The following JAM3 variants were observed in gnomAD, a reference collection of about 807,000 sequenced individuals.
The protein encoded by JAM3 is junctional adhesion molecule C.
JAM3 carries 31 observed loss-of-function variants against 39.4 expected under a neutral mutation model. That is an observed-to-expected ratio of 0.79 (90% CI 0.59 to 1.06). The LOEUF (loss-of-function observed/expected upper bound fraction) is 1.06, where lower values mean the gene tolerates loss of function less well. Among genes scored for constraint, JAM3 ranks in the 50% least tolerant of loss-of-function variants. The pLI is 0.00. For missense variants in JAM3, 455 were observed against 391.4 expected (o/e 1.16, Z -1.37); for synonymous variants, 182 against 148.7 (o/e 1.22, Z -1.63).
chr11:134,069,306 C>A, intron 1 of JAM3, 147 bp downstream of exon 1: 1 of 1,099,540 alleles, frequency 9.1e-7, no homozygotes, highest in Non-Finnish European at 1.3e-6. Flanking sequence ...GGGCGGCGCG[C>A]GCCCGCGTCC....
At chr11:134,076,833 CTTTTT>C (rs71038556) in intron 1 of JAM3, among the ~76,000 whole-genome samples, 1 of 118,530 alleles carries the variant, frequency 8.4e-6, no homozygotes, top group Non-Finnish European at 1.7e-5. Context: ...ACATCTATTG[CTTTTT>C]TTTTTTTTTT....
intron 1 of JAM3, among the ~76,000 whole-genome samples, chr11:134,078,733 T>C (rs527441374): frequency 6.6e-6 from 1 of 152,302 alleles, no homozygotes; most frequent in African/African-American, 2.4e-5. Context: ...GTTTTTGTTT[T>C]CCTTTTTTAA....
intron 1 of JAM3, among the ~76,000 whole-genome samples, chr11:134,126,089 T>G (rs867561144): frequency 5.9e-5 from 9 of 152,172 alleles, no homozygotes; most frequent in African/African-American, 2.2e-4. Flanking sequence ...GCTGGTAGGT[T>G]TTCCTGCGAC....
At chr11:134,076,151 C>CTTTTTTTT (rs551303530) in intron 1 of JAM3, among the ~76,000 whole-genome samples, 30 of 120,378 alleles carry the variant, frequency 2.5e-4, no homozygotes, top group Non-Finnish European at 4.1e-4. Flanking sequence ...TCTTTTCTTT[C>CTTTTTTTT]TTTTTTTTTT....
chr11:134,143,686 G>T (rs925085270), intron 3 of JAM3, among the ~76,000 whole-genome samples: 2 of 152,202 alleles, frequency 1.3e-5, no homozygotes, highest in East Asian at 3.8e-4. Context: ...GATGAAGTCC[G>T]GTGTAACTGT....
intron 1 of JAM3, among the ~76,000 whole-genome samples, chr11:134,139,345 A>G (rs1472684058): frequency 6.6e-6 from 1 of 152,234 alleles, no homozygotes; most frequent in Non-Finnish European, 1.5e-5. Flanking sequence ...CGGGTTGCTC[A>G]TACAGCGAGG....
rs1453348662 is a variant in JAM3 at position 134,149,249 on chromosome 11, G to A, written c.*68G>A. 1 of 1,595,580 alleles carries A rather than the reference G, an allele frequency of 6.3e-7. No homozygotes were observed. Among genetic ancestry groups the A allele is most frequent in the Admixed American group, 1.7e-5 (1 of 59,600 alleles). On this transcript the variant is annotated 3_prime_UTR_variant, in exon 9 of 9. Coordinates refer to ENST00000299106, the MANE Select transcript of JAM3 (RefSeq NM_032801.5). ...TACCTCTGCTAGAAACTCCTGTCAA[G>A]GCAGCGAGAGCTGATGCACTCGGAC...
intron 1 of JAM3, among the ~76,000 whole-genome samples, chr11:134,121,385 G>T (rs1046299729): frequency 2.7e-4 from 41 of 151,920 alleles, no homozygotes; most frequent in African/African-American, 9.7e-4. Flanking sequence ...CTGAGGAGCC[G>T]TGTGAGCTAG....
At chr11:134,141,765 C>T (rs529351390) in intron 3 of JAM3, among the ~76,000 whole-genome samples, 1 of 152,036 alleles carries the variant, frequency 6.6e-6, no homozygotes, top group Non-Finnish European at 1.5e-5. Flanking sequence ...CCAAGGGGCA[C>T]AGAGGGAGGC....
intron 1 of JAM3, among the ~76,000 whole-genome samples, chr11:134,095,271 G>T (rs917454033): frequency 1.3e-5 from 2 of 152,166 alleles, no homozygotes; most frequent in Non-Finnish European, 1.5e-5. Flanking sequence ...AGATCTGTTT[G>T]CATGTACTAA....
rs1039080724 is a variant in JAM3, at chr11:134,089,006, A to G, written c.76+19847A>G. Among the ~76,000 whole-genome samples, 24 of 152,314 alleles carry G rather than the reference A, an allele frequency of 1.6e-4. 1 individual carries two copies. Among genetic ancestry groups the G allele is most frequent in the Admixed American group, 1.1e-3 (17 of 15,288 alleles). ...ATGGTTTGGGAGGTGTCAGTTCACC[A>G]TTATAAGCCATATAGGTGATTGTAA... On this transcript the variant is annotated intron_variant, in intron 1 of 8. Coordinates refer to ENST00000299106, the MANE Select transcript of JAM3 (RefSeq NM_032801.5).
At chr11:134,089,637 CTCA>C (rs1393292776) in intron 1 of JAM3, among the ~76,000 whole-genome samples, 1 of 152,172 alleles carries the variant, frequency 6.6e-6, no homozygotes, top group Non-Finnish European at 1.5e-5. Context: ...AGGACATGAA[CTCA>C]TCATTTTTTA....
At chr11:134,147,704 T>C (rs1943103961) in intron 6 of JAM3, 1 of 149,994 alleles carries the variant, frequency 6.7e-6, no homozygotes, top group Non-Finnish European at 1.5e-5. Flanking sequence ...GCCAGGATGG[T>C]CTCGAATCTC....
At chr11:134,086,622 CT>C (rs974725961) in intron 1 of JAM3, among the ~76,000 whole-genome samples, 50 of 152,082 alleles carry the variant, frequency 3.3e-4, no homozygotes, top group African/African-American at 1.1e-3. Flanking sequence ...AGTAAAGGAA[CT>C]GCCAGTACAA....
intron 1 of JAM3, among the ~76,000 whole-genome samples, chr11:134,112,454 C>T (rs536856627): frequency 2.6e-4 from 39 of 152,132 alleles, no homozygotes; most frequent in African/African-American, 8.2e-4. Context: ...TCAAGTCACT[C>T]TATCTAAATG....
At chr11:134,148,997 A>ACACACACACACACAC in intron 8 of JAM3, 149 bp from the exon 9 acceptor site, 1 of 770,660 alleles carries the variant, frequency 1.3e-6, no homozygotes, top group Non-Finnish European at 2.1e-6. Context: ...CACACACACT[A>ACACACACACACACAC]ATGGGATTTG....
At chr11:134,134,239 A>G (rs1942819547) in intron 1 of JAM3, among the ~76,000 whole-genome samples, 1 of 152,122 alleles carries the variant, frequency 6.6e-6, no homozygotes, top group South Asian at 2.1e-4. Context: ...AGAAGTGGGC[A>G]ACTACAGAAG....
chr11:134,123,287 C>T (rs1942571596), intron 1 of JAM3, among the ~76,000 whole-genome samples: 1 of 152,060 alleles, frequency 6.6e-6, no homozygotes, highest in Admixed American at 6.6e-5. Flanking sequence ...ACATCTACGG[C>T]AACAAGGGCT....
intron 1 of JAM3, among the ~76,000 whole-genome samples, chr11:134,107,158 A>C (rs992342954): frequency 6.6e-6 from 1 of 152,242 alleles, no homozygotes; most frequent in Non-Finnish European, 1.5e-5. Flanking sequence ...AGCCATAAAA[A>C]ATGATGAGTT....
Sources: allele counts gnomAD v4.1 joint callset (sites outside exome capture counted in the v4.1 genomes callset), GRCh38; gene constraint gnomAD v4.1.1; transcripts MANE v1.5; gene names NCBI Gene and HGNC (gene_info 2026-07-23, HGNC 2026-07-21).